The following ADCY10 variants were observed in gnomAD, a reference collection of about 807,000 sequenced individuals.
ADCY10 encodes the protein adenylate cyclase 10.
ADCY10 carries 156 observed loss-of-function variants against 183.3 expected under a neutral mutation model. The observed-to-expected ratio is 0.85, with a 90% CI of 0.75 to 0.97. The LOEUF is 0.97. Ranked by LOEUF, ADCY10 falls within the 50% of genes least tolerant of loss-of-function variation. The pLI, the probability that ADCY10 is intolerant of heterozygous loss-of-function variation, is 0.00. For missense variants in ADCY10, 1,745 were observed against 1,934.3 expected, an observed-to-expected ratio of 0.90 and a Z score of 1.84; for synonymous variants, 645 against 670.0, an observed-to-expected ratio of 0.96 and a Z score of 0.58.
At chr1:167,816,619 A>G (rs1662546387) in intron 31 of ADCY10, among the ~76,000 whole-genome samples, 1 of 152,124 alleles carries the variant, frequency 6.6e-6, no homozygotes, top group Non-Finnish European at 1.5e-5. Context: ...CAAAAAAAGA[A>G]TTGCCTTTCA....
At position 167,845,807 on chromosome 1, in the gene ADCY10, G is replaced by A. The variant is rs775888245; in HGVS notation, c.2763C>T (p.Ile921=). The change falls in exon 21 of 33, where the codon ATC becomes ATT. Residue 921 remains isoleucine, a synonymous_variant. Coordinates refer to ENST00000367851, the MANE Select transcript of ADCY10 (RefSeq NM_018417.6). ...TACAGAATCGAATCCTGTGGCACTCGATCACCTCATTCTCCAGTTCACGAA... is the reference window on the plus strand; with the variant it reads ...TACAGAATCGAATCCTGTGGCACTCAATCACCTCATTCTCCAGTTCACGAA... ...EQLRELENEV[I]ECHRIRFCNP... 2.1e-5 allele frequency: 34 copies of A among 1,613,982 alleles called. No homozygotes were observed. Among genetic ancestry groups the A allele is most frequent in the African/African-American group, 5.3e-5 (4 of 74,924 alleles).
chr1:167,812,086 C>T (rs915565682), intron 31 of ADCY10, among the ~76,000 whole-genome samples: 4 of 152,180 alleles, frequency 2.6e-5, no homozygotes, highest in African/African-American at 7.2e-5. Flanking sequence ...GAAGAACCTG[C>T]GTACAACTTG....
chr1:167,866,480 G>A (rs422357), intron 14 of ADCY10, among the ~76,000 whole-genome samples: 1 of 143,242 alleles, frequency 7.0e-6, no homozygotes, highest in South Asian at 2.2e-4. Context: ...ACTCAGGTCG[G>A]CCCCAGCCCT....
chr1:167,884,876 T>G (rs1391839659), intron 8 of ADCY10, among the ~76,000 whole-genome samples: 1 of 152,070 alleles, frequency 6.6e-6, no homozygotes, highest in Non-Finnish European at 1.5e-5. Flanking sequence ...TTTTGTATTT[T>G]TAGTAGAGAC....
chr1:167,895,941 C>T (rs372283), intron 7 of ADCY10, among the ~76,000 whole-genome samples: 1 of 151,860 alleles, frequency 6.6e-6, no homozygotes. Context: ...TGATTTGAGA[C>T]GTAAAGGCAA....
intron 16 of ADCY10, among the ~76,000 whole-genome samples, chr1:167,857,142 T>A (rs529529359): frequency 5.6e-4 from 86 of 152,352 alleles, no homozygotes; most frequent in African/African-American, 2.0e-3. Flanking sequence ...ACCACTTACG[T>A]AGCAGGCTCT....
intron 18 of ADCY10, among the ~76,000 whole-genome samples, chr1:167,854,100 A>T (rs1424064313): frequency 6.6e-6 from 1 of 152,046 alleles, no homozygotes; most frequent in South Asian, 2.1e-4. Flanking sequence ...CGGGCTCCGA[A>T]AGTGCTGAGA....
chr1:167,882,963 G>A (rs1209178678), intron 9 of ADCY10, among the ~76,000 whole-genome samples: 1 of 152,224 alleles, frequency 6.6e-6, no homozygotes, highest in Non-Finnish European at 1.5e-5. Context: ...TGAGAACAGT[G>A]CCTGGCACAT....
At position 167,905,042 on chromosome 1, in the gene ADCY10, T is replaced by C; in HGVS notation, c.99A>G (p.Arg33=). 1 of 1,614,136 alleles carries C rather than the reference T, an allele frequency of 6.2e-7. No homozygotes were observed. The highest frequency in any genetic ancestry group is 8.5e-7 in the Non-Finnish European group (1 of 1,180,030). Residue 33 remains arginine, a synonymous_variant, in exon 2 of 33, where the codon CGA becomes CGG. Transcript: ENST00000367851. ...CTCCGTCAAAATAATCCATAAAGGG[T>C]CGCTCTGGGGAGAAATGTCCATAGA... ...LIVYGHFSPE[R]PFMDYFDGVL...
rs16859735 is a variant in ADCY10, at chr1:167,834,111, T to A, written c.3310-34A>T. 48,003 of 1,542,454 alleles carry A rather than the reference T, an allele frequency of 0.031. 1,217 individuals are homozygous for A. Among genetic ancestry groups the A allele is most frequent in the East Asian group, 0.13 (5,641 of 44,514 alleles). On this transcript the variant is annotated intron_variant, in intron 23 of 32. Transcript: ENST00000367851. ...AGCCCAAGGAGTAGAAAAGTGTTGA[T>A]TCAGCAGGGATTGAGCCCACAGAAG...
chr1:167,862,326 A>C (rs1521877), intron 14 of ADCY10, among the ~76,000 whole-genome samples: 1 of 152,032 alleles, frequency 6.6e-6, no homozygotes, highest in African/African-American at 2.4e-5. Flanking sequence ...TAATCCAATA[A>C]AACTGATGCC....
chr1:167,834,415 A>G (rs1416359404), intron 23 of ADCY10: 1 of 380,142 alleles, frequency 2.6e-6, no homozygotes, highest in Non-Finnish European at 5.0e-6. Context: ...TCTATCCCCA[A>G]CCTCCCTATT....
chr1:167,848,726 C>T (rs1295927139), intron 18 of ADCY10, among the ~76,000 whole-genome samples: 2 of 152,082 alleles, frequency 1.3e-5, no homozygotes, highest in Non-Finnish European at 2.9e-5. Flanking sequence ...TCTTTGCTCA[C>T]TGCAACCTCC....
intron 8 of ADCY10, 84 bp downstream of exon 8, chr1:167,893,769 T>TA: frequency 1.3e-6 from 1 of 758,932 alleles, no homozygotes; most frequent in Non-Finnish European, 2.3e-6. Context: ...TAGTAGCTGC[T>TA]GTTTTTTTTT....
At chr1:167,898,516 T>G (rs921390499) in intron 6 of ADCY10, among the ~76,000 whole-genome samples, 3 of 151,736 alleles carry the variant, frequency 2.0e-5, no homozygotes, top group African/African-American at 7.3e-5. Context: ...AGGGAATTGC[T>G]TGAACCCGGG....
intron 31 of ADCY10, among the ~76,000 whole-genome samples, chr1:167,814,951 C>T (rs1461304413): frequency 6.6e-6 from 1 of 152,058 alleles, no homozygotes; most frequent in Non-Finnish European, 1.5e-5. Context: ...CATGGTGAAA[C>T]CCCATCTCTA....
chr1:167,834,345 C>A, intron 23 of ADCY10: 1 of 541,350 alleles, frequency 1.8e-6, no homozygotes, highest in Non-Finnish European at 3.3e-6. Context: ...TTTCTTCACA[C>A]TATCATCTAG....
intron 26 of ADCY10, among the ~76,000 whole-genome samples, chr1:167,828,468 G>A (rs753695957): frequency 1.3e-5 from 2 of 152,106 alleles, no homozygotes; most frequent in Non-Finnish European, 2.9e-5. Flanking sequence ...GTCTTCCAGA[G>A]GCAACATATG....
At chr1:167,835,180 C>T (rs4656562) in intron 23 of ADCY10, among the ~76,000 whole-genome samples, 4,818 of 152,212 alleles carry the variant, frequency 0.032, 140 homozygotes, top group East Asian at 0.13. Context: ...GACATTTCCT[C>T]AAGTGAGTTC....
Sources: allele counts gnomAD v4.1 joint callset (sites outside exome capture counted in the v4.1 genomes callset), GRCh38; gene constraint gnomAD v4.1.1; transcripts MANE v1.5; gene names NCBI Gene and HGNC (gene_info 2026-07-23, HGNC 2026-07-21).